PALM2AKAP2: variants seen among roughly 807,000 people sequenced by gnomAD.
The protein encoded by PALM2AKAP2 is PALM2-AKAP2 fusion protein.
A neutral mutation model predicts 71.5 loss-of-function variants in PALM2AKAP2; 37 were observed. The ratio of observed to expected loss-of-function variants is 0.52; its 90% CI spans 0.40 to 0.68. The LOEUF (loss-of-function observed/expected upper bound fraction) is 0.68. PALM2AKAP2 is among the 30% of genes least tolerant of loss of function. The pLI is 0.00. For missense variants in PALM2AKAP2, 1,224 were observed against 1,191.8 expected, an observed-to-expected ratio of 1.03 and a Z score of -0.40; for synonymous variants, 468 against 478.8, an observed-to-expected ratio of 0.98 and a Z score of 0.29.
At chr9:110,161,392 C>T (rs1836591547) in intron 3 of PALM2AKAP2, among the ~76,000 whole-genome samples, 1 of 152,150 alleles carries the variant, frequency 6.6e-6, no homozygotes, top group Non-Finnish European at 1.5e-5. Context: ...TTTCCATAGT[C>T]AGGCCATTTT....
At chr9:109,650,714 C>G (rs1827213441) in intron 1 of PALM2AKAP2, among the ~76,000 whole-genome samples, 1 of 152,200 alleles carries the variant, frequency 6.6e-6, no homozygotes, top group South Asian at 2.1e-4. Context: ...AGGTGAGCCA[C>G]CATACCTAGC....
Position 110,162,147 on chromosome 9 carries a change from G to A in PALM2AKAP2, c.2748+5650G>A. On this transcript the variant is annotated intron_variant, in intron 3 of 3. Coordinates refer to ENST00000374525, the Ensembl canonical transcript of PALM2AKAP2. The stretch of plus-strand genomic sequence containing the variant: ...TGACTTCCGAGGTACTTTTCAATTT[G>A]TTTGTCTTGGTCTTACTGAATGCAT... The A allele has an allele frequency of 6.2e-7, 1 of 1,613,806 alleles. No homozygotes were observed. The highest frequency in any genetic ancestry group is 8.5e-7 in the Non-Finnish European group (1 of 1,179,782).
chr9:109,683,748 A>G (rs1587866338), intron 1 of PALM2AKAP2, among the ~76,000 whole-genome samples: 1 of 152,090 alleles, frequency 6.6e-6, no homozygotes, highest in African/African-American at 2.4e-5. Flanking sequence ...TGCTCCCACA[A>G]TGACTAGAGC....
chr9:109,748,502 G>C (rs1056171799), intron 1 of PALM2AKAP2, among the ~76,000 whole-genome samples: 7 of 152,144 alleles, frequency 4.6e-5, no homozygotes, highest in Admixed American at 2.0e-4. Context: ...GTTTACCTTT[G>C]CTTTTATTCT....
chr9:109,792,457 C>G (rs542182059), intron 1 of PALM2AKAP2, among the ~76,000 whole-genome samples: 2 of 152,238 alleles, frequency 1.3e-5, no homozygotes, highest in South Asian at 4.1e-4. Flanking sequence ...GTACAGCTCT[C>G]TCAATTTGAA....
At chr9:109,793,114 G>A (rs371318527) in intron 1 of PALM2AKAP2, among the ~76,000 whole-genome samples, 1 of 152,302 alleles carries the variant, frequency 6.6e-6, no homozygotes, top group South Asian at 2.1e-4. Flanking sequence ...AGGGAGATAG[G>A]GCAAGTGTTG....
upstream of PALM2AKAP2, among the ~76,000 whole-genome samples, chr9:110,048,250 G>A (rs1488232669): frequency 1.3e-5 from 2 of 152,128 alleles, no homozygotes; most frequent in Admixed American, 1.3e-4. Context: ...GGAACTCAGC[G>A]GCTCCTGGCA....
At chr9:109,711,210 G>T (rs928391474) in intron 1 of PALM2AKAP2, among the ~76,000 whole-genome samples, 1 of 152,082 alleles carries the variant, frequency 6.6e-6, no homozygotes, top group Admixed American at 6.5e-5. Flanking sequence ...AGTAGCCTTG[G>T]TTAAAAGATT....
At chr9:110,038,120 G>A (rs749554007) in intron 7 of PALM2AKAP2, among the ~76,000 whole-genome samples, 10 of 152,092 alleles carry the variant, frequency 6.6e-5, no homozygotes, top group Non-Finnish European at 1.0e-4. Context: ...TGGCAGGATC[G>A]CTTGAGCCCA....
At chr9:109,794,584 A>G (rs1414337568) in intron 1 of PALM2AKAP2, among the ~76,000 whole-genome samples, 1 of 152,144 alleles carries the variant, frequency 6.6e-6, no homozygotes, top group Non-Finnish European at 1.5e-5. Flanking sequence ...CAGTTACCTC[A>G]TGGAACCCTT....
chr9:110,123,551 T>A (rs899753411), intron 1 of PALM2AKAP2, among the ~76,000 whole-genome samples: 1 of 152,102 alleles, frequency 6.6e-6, no homozygotes, highest in Admixed American at 6.6e-5. Flanking sequence ...CATAAGAACT[T>A]GTGGAGATGA....
At chr9:109,646,663 T>C (rs1213287981) in intron 1 of PALM2AKAP2, among the ~76,000 whole-genome samples, 3 of 152,212 alleles carry the variant, frequency 2.0e-5, no homozygotes, top group Non-Finnish European at 1.5e-5. Flanking sequence ...CAGTAACTCA[T>C]TTAGTTAGCA....
chr9:109,883,527 G>A (rs534863585), intron 3 of PALM2AKAP2, among the ~76,000 whole-genome samples: 6 of 152,262 alleles, frequency 3.9e-5, no homozygotes, highest in African/African-American at 1.4e-4. Flanking sequence ...TTCTACCCTG[G>A]AAGTCAGCTT....
intron 1 of PALM2AKAP2, among the ~76,000 whole-genome samples, chr9:109,839,202 TC>T (rs1367577047): frequency 6.6e-6 from 1 of 152,216 alleles, no homozygotes; most frequent in East Asian, 1.9e-4. Flanking sequence ...CAAGTGGGCT[TC>T]ATCCCTGGGA....
At position 109,641,765 on chromosome 9, in the gene PALM2AKAP2, G is replaced by A. The variant is rs181922263; in HGVS notation, c.5+899G>A. 2.9e-4 allele frequency among the ~76,000 whole-genome samples: 44 copies of A among 152,284 alleles called. 1 individual carries two copies. Among genetic ancestry groups the A allele is most frequent in the Admixed American group, 1.2e-3 (18 of 15,298 alleles). On this transcript the variant is annotated intron_variant, in intron 1 of 6. Coordinates refer to the PALM2AKAP2 transcript ENST00000374531. The stretch of plus-strand genomic sequence containing the variant: ...CACACTACTCCTTGACATTGAGGCC[G>A]TCTGAAATCATATTTCAAGTTAGAG...
exon 2 of PALM2AKAP2, chr9:110,138,253 G>T: frequency 6.2e-7 from 1 of 1,614,194 alleles, no homozygotes; most frequent in South Asian, 1.1e-5. Context: ...TTAACATGGA[G>T]GAGACCAGGC....
At position 109,722,336 on chromosome 9, in the gene PALM2AKAP2, C is replaced by T. The variant is rs140195126; in HGVS notation, c.6-58152C>T. Among the ~76,000 whole-genome samples the T allele has an allele frequency of 1.8e-3, 275 of 152,246 alleles. 1 individual carries two copies. Among genetic ancestry groups the T allele is most frequent in the African/African-American group, 6.2e-3 (259 of 41,544 alleles). ...TTCTTGTAATATGCACTTAATATCC[C>T]TGGAAGCATACATAAGAAACATCAG... On this transcript the variant is annotated intron_variant, in intron 1 of 6. Transcript: ENST00000374531.
intron 6 of PALM2AKAP2, among the ~76,000 whole-genome samples, chr9:110,005,323 G>A (rs10980143): frequency 0.098 from 14,841 of 152,208 alleles, 990 homozygotes; most frequent in East Asian, 0.31. Context: ...TATCTGCAGC[G>A]GAGGCTGCAG....
At chr9:109,835,299 G>T (rs551329539) in intron 1 of PALM2AKAP2, among the ~76,000 whole-genome samples, 5 of 130,894 alleles carry the variant, frequency 3.8e-5, no homozygotes, top group African/African-American at 1.4e-4. Flanking sequence ...GAGGGTGGGG[G>T]AAAGAGGGGA....
Sources: gnomAD v4.1 joint callset for allele counts (sites outside exome capture counted in the v4.1 genomes callset) on GRCh38, gnomAD v4.1.1 for gene constraint, MANE v1.5 for transcripts, NCBI Gene and HGNC (gene_info 2026-07-23, HGNC 2026-07-21) for gene names.